Variants in TEP1 observed in about 807,000 individuals in gnomAD.
TEP1 encodes the protein telomerase associated protein 1.
In TEP1, 241 loss-of-function variants were observed where a neutral mutation model predicts 306.3. The ratio of observed to expected loss-of-function variants is 0.79; its 90% CI spans 0.71 to 0.88. The LOEUF (loss-of-function observed/expected upper bound fraction) is 0.88, where lower values mean the gene tolerates loss of function less well. TEP1 is among the 40% of genes least tolerant of loss of function. The pLI is 0.00. For missense variants in TEP1, 3,051 were observed against 3,276.1 expected, an observed-to-expected ratio of 0.93 and a Z score of 1.68; for synonymous variants, 1,289 against 1,305.5, an observed-to-expected ratio of 0.99 and a Z score of 0.27.
chr14:20,378,583 A>G (rs1328095164), intron 37 of TEP1, 48 bp from the exon 38 acceptor site: 3 of 1,612,114 alleles, frequency 1.9e-6, no homozygotes, highest in Non-Finnish European at 2.5e-6. Flanking sequence ...AGATGCCTGA[A>G]CTTCTCAGTC....
Position 20,382,066 on chromosome 14 carries a change from GA to G in TEP1, c.4274-4del, listed in dbSNP as rs1221759501. 1 of 1,614,012 alleles carries G rather than the reference GA, an allele frequency of 6.2e-7. No individual in the cohort carries two copies. The highest frequency in any genetic ancestry group is 8.5e-7 in the Non-Finnish European group (1 of 1,179,956). ...GTGCAGCTGGTCCACAGTCAAACCT[GA>G]AAACTCAAGCTCTCTGAGGCCCTCA... On this transcript the variant is annotated splice_polypyrimidine_tract_variant and splice_region_variant and intron_variant, in intron 29 of 54. Transcript: ENST00000262715.
chr14:20,401,970 C>T (rs942500194), intron 7 of TEP1, among the ~76,000 whole-genome samples: 3 of 152,098 alleles, frequency 2.0e-5, no homozygotes, highest in Non-Finnish European at 2.9e-5. Flanking sequence ...ATGCAGGCTA[C>T]GAGGAGTTTA....
At chr14:20,387,770 C>A in intron 18 of TEP1, 135 bp downstream of exon 18, 1 of 1,097,648 alleles carries the variant, frequency 9.1e-7, no homozygotes, top group Non-Finnish European at 1.3e-6. Flanking sequence ...GAGAAACCTC[C>A]GCCTGAGAAA....
At chr14:20,400,137 CAAAAAAAAAAA>C (rs58121179) in intron 9 of TEP1, among the ~76,000 whole-genome samples, 127 of 80,492 alleles carry the variant, frequency 1.6e-3, no homozygotes, top group East Asian at 3.2e-3. Flanking sequence ...AACTCCGTCT[CAAAAAAAAAAA>C]AAAAAAAAAA....
Position 20,382,316 on chromosome 14 carries a change from AG to A in TEP1, c.4180del (p.Leu1394CysfsTer7). ...TGTGCTCAGGATGTGCTGCAGCAGCAGGGGGACAGTGGCAGGCAGGGTCCGG... is the reference window on the plus strand; with the variant it reads ...TGTGCTCAGGATGTGCTGCAGCAGCAGGGGACAGTGGCAGGCAGGGTCCGG... ...RLRTLPATVP[L>X]LLQHILSTLE... On this transcript the variant is annotated frameshift_variant, in exon 29 of 55. Coordinates refer to ENST00000262715, the MANE Select transcript of TEP1 (RefSeq NM_007110.5). LOFTEE classifies it high-confidence loss of function. 1 of 1,613,684 alleles carries A rather than the reference AG, an allele frequency of 6.2e-7. No individual in the cohort carries two copies. Among genetic ancestry groups the A allele is most frequent in the Non-Finnish European group, 8.5e-7 (1 of 1,179,802 alleles).
intron 1 of TEP1, among the ~76,000 whole-genome samples, chr14:20,408,945 C>T (rs1420206465): frequency 6.6e-6 from 1 of 151,968 alleles, no homozygotes; most frequent in Non-Finnish European, 1.5e-5. Context: ...TCAGTTTGAT[C>T]CCTACTTAGT....
intron 12 of TEP1, 147 bp from the exon 13 acceptor site, chr14:20,391,914 G>A (rs1713423): frequency 0.5 from 391,207 of 777,976 alleles, 102,256 homozygotes; most frequent in African/African-American, 0.74. Flanking sequence ...CTCCATTTCT[G>A]GTGTAGAGGA....
At position 20,384,478 on chromosome 14, in the gene TEP1, A is replaced by G; in HGVS notation, c.3252T>C (p.Ala1084=). 1.2e-6 allele frequency: 2 copies of G among 1,614,086 alleles called. No homozygotes were observed. The highest frequency in any genetic ancestry group is 8.5e-7 in the Non-Finnish European group (1 of 1,180,006). The change falls in exon 23 of 55, where the codon GCT becomes GCC. Residue 1084 remains alanine, a synonymous_variant. Transcript: ENST00000262715. ...RYPCEWGGVA[A]GRPYVGGLEE... The stretch of plus-strand genomic sequence containing the variant: ...CCAGCCCGCCAACATAGGGCCGGCC[A>G]GCTGCCACACCCCCCCACTCACAGG...
At position 20,408,382 on chromosome 14, in the gene TEP1, G is replaced by A. The variant is rs145064396; in HGVS notation, c.58C>T (p.Arg20Trp). 9.3e-6 allele frequency: 15 copies of A among 1,613,964 alleles called. No individual in the cohort carries two copies. The highest frequency in any genetic ancestry group is 4.0e-5 in the African/African-American group (3 of 74,910). The change falls in exon 2 of 55, where the codon CGG (arginine) becomes TGG (tryptophan). Residue 20 changes from arginine to tryptophan, a missense_variant. Transcript: ENST00000262715. ...AHPDILSLEN[R>W]CLAMLPDLQP... ...AAGTCAGGGAGCATAGCCAGGCACC[G>A]GTTCTCCAAGGAGAGGATGTCTGGA...
chr14:20,408,124 A>G lies in TEP1; in HGVS notation c.316T>C (p.Ser106Pro), dbSNP rs1879342007. The G allele has an allele frequency of 6.2e-7, 1 of 1,609,992 alleles. No homozygotes were observed. Among genetic ancestry groups the G allele is most frequent in the Non-Finnish European group, 8.5e-7 (1 of 1,177,532 alleles). ...GHVSAHPDIL[S>P]LENRCLATLS... ...GTGGCCAGGCACCGGTTCTCCAAGG[A>G]GAGGATGTCTGGGTGGGCAGAAACA... Residue 106 changes from serine (S) to proline (P), a missense_variant, in exon 2 of 55, where the codon TCC becomes CCC. Around this residue, in one of 3 missense-constraint regions of TEP1, gnomAD observed 1,507 missense variants for 1,550.5 expected, o/e 0.97. Transcript: ENST00000262715.
In TEP1 at chr14:20,391,686, G is replaced by T; in HGVS notation, c.2010C>A (p.Ser670Arg). Residue 670 changes from serine (S) to arginine (R), a missense_variant, in exon 13 of 55, where the codon AGC (serine) becomes AGA (arginine). Coordinates refer to ENST00000262715, the MANE Select transcript of TEP1 (RefSeq NM_007110.5). ...ETAVNLSVKH[S>R]LPLLPGRTVL... ...CAGTGCGGCCTGGCAGCAGGGGCAG[G>T]CTGTGCTTCACAGAGAGGTTCACAG... The T allele has an allele frequency of 6.2e-7, 1 of 1,614,204 alleles. No individual in the cohort carries two copies. Among genetic ancestry groups the T allele is most frequent in the Middle Eastern group, 1.6e-4 (1 of 6,062 alleles).
At chr14:20,401,680 G>T in intron 7 of TEP1, 99 bp from the exon 8 acceptor site, 1 of 1,505,928 alleles carries the variant, frequency 6.6e-7, no homozygotes, top group Non-Finnish European at 9.0e-7. Flanking sequence ...ATCCCTATGT[G>T]GTAATTTCTT....
rs1311833740 is a variant in TEP1, at chr14:20,368,778, A to G, written c.7761+20T>C. On this transcript the variant is annotated intron_variant, in intron 54 of 54. Coordinates refer to ENST00000262715, the MANE Select transcript of TEP1 (RefSeq NM_007110.5). ...TGCAGGCGCACGCACACACACACAC[A>G]CACACACACACACACTTACCAGCTG... 3 of 1,598,024 alleles carry G rather than the reference A, an allele frequency of 1.9e-6. No homozygotes were observed. The South Asian group carries it at 3.3e-5, about 18-fold the overall frequency.
intron 2 of TEP1, 68 bp downstream of exon 2, chr14:20,407,805 C>T: frequency 7.3e-7 from 1 of 1,366,558 alleles, no homozygotes; most frequent in Non-Finnish European, 1.0e-6. Context: ...AACTGAGACA[C>T]TGAAAGCTAG....
chr14:20,371,103 G>C lies in TEP1; in HGVS notation c.7317+115C>G, dbSNP rs59298133. 3.3e-3 allele frequency: 2,744 copies of C among 831,282 alleles called. 61 individuals are homozygous for C. In the African/African-American group the frequency reaches 0.042, roughly 13 times the overall value. The allele number at this position is 831,282 out of a possible 1,614,324, so 51.5% of individuals were successfully genotyped here. A position where few individuals can be genotyped will look rare whatever the true frequency, so the allele number is the denominator to read the frequency against. On this transcript the variant is annotated intron_variant, in intron 51 of 54. Transcript: ENST00000262715. ...AACTGCTCCAGTTGAAGGAGGATAA[G>C]AGGATTTGCAGCCAACTGCCTTTCC...
chr14:20,396,564 C>A, intron 10 of TEP1, 57 bp downstream of exon 10: 1 of 1,468,572 alleles, frequency 6.8e-7, no homozygotes, highest in Non-Finnish European at 9.4e-7. Context: ...CAGCAGTGGC[C>A]TCTCCACGTG....
intron 2 of TEP1, 35 bp downstream of exon 2, chr14:20,407,838 T>C: frequency 2.6e-6 from 4 of 1,514,364 alleles, no homozygotes; most frequent in Non-Finnish European, 2.7e-6. Flanking sequence ...ACAACAGACA[T>C]GGCTGGAGTC....
Position 20,403,704 on chromosome 14 carries a change from G to A in TEP1, c.1194+19C>T. 2 of 1,613,086 alleles carry A rather than the reference G, an allele frequency of 1.2e-6. No individual in the cohort carries two copies. The highest frequency in any genetic ancestry group is 1.1e-5 in the South Asian group (1 of 91,034). On this transcript the variant is annotated intron_variant, in intron 6 of 54. Coordinates refer to ENST00000262715, the MANE Select transcript of TEP1 (RefSeq NM_007110.5). ...CTGGAGAAAAGGGGCGTGGGTCGAG[G>A]GCTGGGGCAGTGACTGACTGGAGAG...
In TEP1 at chr14:20,408,410, G is replaced by C; in HGVS notation, c.30C>G (p.Ala10=). The part of the protein sequence containing the change: MEKLHGHVS[A]HPDILSLENR... The stretch of plus-strand genomic sequence containing the variant: ...TCTCCAAGGAGAGGATGTCTGGATG[G>C]GCAGACACATGCCCATGGAGTTTTT... The change falls in exon 2 of 55, where the codon GCC becomes GCG. Residue 10 remains alanine, a synonymous_variant. Transcript: ENST00000262715. The C allele has an allele frequency of 1.2e-6, 2 of 1,613,842 alleles. No individual in the cohort carries two copies. Among genetic ancestry groups the C allele is most frequent in the Non-Finnish European group, 1.7e-6 (2 of 1,180,012 alleles).
Sources: allele counts gnomAD v4.1 joint callset (sites outside exome capture counted in the v4.1 genomes callset), GRCh38; gene constraint gnomAD v4.1.1; regional missense constraint gnomAD v4.1.1; transcripts MANE v1.5; gene names NCBI Gene and HGNC (gene_info 2026-07-23, HGNC 2026-07-21).